The following ADCY10 variants were observed in gnomAD, a reference collection of about 807,000 sequenced individuals.
ADCY10 encodes adenylate cyclase type 10.
Under a neutral mutation model 183.3 loss-of-function variants are expected in ADCY10, and 156 were observed. That is an observed-to-expected ratio of 0.85 (90% CI 0.75 to 0.97). The LOEUF (loss-of-function observed/expected upper bound fraction) is 0.97. Ranked by LOEUF, ADCY10 falls within the 50% of genes least tolerant of loss-of-function variation. The probability of loss-of-function intolerance (pLI) is 0.00; values close to 1 mark genes in which losing one functional copy is unlikely to be tolerated. For synonymous variants in ADCY10, 645 were observed against 670.0 expected (o/e 0.96, Z 0.58); for missense variants, 1,745 against 1,934.3 (o/e 0.90, Z 1.84).
chr1:167,893,093 G>GA (rs1668711678), intron 8 of ADCY10, among the ~76,000 whole-genome samples: 1 of 152,162 alleles, frequency 6.6e-6, no homozygotes, highest in South Asian at 2.1e-4. Flanking sequence ...AAGATTAAGA[G>GA]AATAAAAAGA....
In ADCY10 at chr1:167,848,460, T is replaced by G; in HGVS notation, c.2338A>C (p.Asn780His). 6.2e-7 allele frequency: 1 copy of G among 1,613,638 alleles called. No homozygotes were observed. The highest frequency in any genetic ancestry group is 1.1e-5 in the South Asian group (1 of 91,068). The change falls in exon 19 of 33, where the codon AAC (asparagine) becomes CAC (histidine). Residue 780 changes from asparagine (N) to histidine (H), a missense_variant. Transcript: ENST00000367851. ...TTATCACTATGGAGAGTAACCATGT[T>G]TAACTTCTCTGTTAGCTTAATGGAA... ...KYSIKLTEKL[N>H]MVTLHSDKES...
chr1:167,853,830 C>CA (rs1224227856), intron 18 of ADCY10, among the ~76,000 whole-genome samples: 38 of 77,188 alleles, frequency 4.9e-4, no homozygotes, highest in Admixed American at 1.4e-3. Flanking sequence ...ACTATAGTTA[C>CA]TTTTTTTTTT....
intron 14 of ADCY10, among the ~76,000 whole-genome samples, chr1:167,863,196 G>A (rs1260088997): frequency 6.6e-6 from 1 of 152,168 alleles, no homozygotes; most frequent in Non-Finnish European, 1.5e-5. Context: ...CCCGAAACCA[G>A]GCCTGGGCCT....
chr1:167,836,441 C>A lies in ADCY10; in HGVS notation c.3177G>T (p.Gln1059His). The A allele has an allele frequency of 1.2e-6, 2 of 1,614,122 alleles. No individual in the cohort carries two copies. The highest frequency in any genetic ancestry group is 1.7e-6 in the Non-Finnish European group (2 of 1,179,954). The change falls in exon 23 of 33, where the codon CAG becomes CAT. Residue 1059 changes from glutamine to histidine, a missense_variant. Gln to His is a conservative substitution (Grantham distance 24). Coordinates refer to ENST00000367851, the MANE Select transcript of ADCY10 (RefSeq NM_018417.6). The part of the protein sequence containing the change: ...DEDIIPLESC[Q>H]CEEILEIVIL... ...TGACAATCTCTAGGATTTCTTCACA[C>A]TGGCAAGATTCCAGAGGGATAATGT...
rs191261114 is a variant in ADCY10 at position 167,899,450 on chromosome 1, C to T, written c.615G>A (p.Glu205=). The T allele has an allele frequency of 1.9e-6, 3 of 1,614,234 alleles. No individual in the cohort carries two copies. Among genetic ancestry groups the T allele is most frequent in the Admixed American group, 3.3e-5 (2 of 60,032 alleles). ...TAACTGCTCTCTGATCTGGAACACT[C>T]TCAATTTCAATCATGCTCCGGTCAC... ...QLCDRSMIEI[E]SVPDQRAVKV... is the part of the protein sequence containing the mutation. The change falls in exon 6 of 33, where the codon GAG becomes GAA. Residue 205 remains glutamate, a synonymous_variant. Coordinates refer to ENST00000367851, the MANE Select transcript of ADCY10 (RefSeq NM_018417.6).
At chr1:167,834,937 A>G (rs2101911683) in intron 23 of ADCY10, among the ~76,000 whole-genome samples, 1 of 152,360 alleles carries the variant, frequency 6.6e-6, no homozygotes, top group African/African-American at 2.4e-5. Flanking sequence ...CTACATCCCC[A>G]TCATCACCTC....
At chr1:167,857,486 C>T (rs981732471) in intron 16 of ADCY10, among the ~76,000 whole-genome samples, 6 of 152,140 alleles carry the variant, frequency 3.9e-5, no homozygotes, top group Admixed American at 2.0e-4. Context: ...AAGTTTTAAT[C>T]TTGGGATAGC....
chr1:167,872,480 A>T (rs753231690), intron 13 of ADCY10, among the ~76,000 whole-genome samples: 2 of 151,874 alleles, frequency 1.3e-5, no homozygotes, highest in African/African-American at 4.8e-5. Context: ...CTAAAATGAG[A>T]TTGTCTCCTT....
At chr1:167,893,821 C>T (rs1424304170) in intron 8 of ADCY10, 32 bp downstream of exon 8, 2 of 1,512,234 alleles carry the variant, frequency 1.3e-6, no homozygotes, top group Admixed American at 1.7e-5. Context: ...CCCTGACATC[C>T]CCAAAGCCAG....
At chr1:167,874,317 T>A (rs962713595) in intron 13 of ADCY10, among the ~76,000 whole-genome samples, 7 of 151,946 alleles carry the variant, frequency 4.6e-5, no homozygotes, top group African/African-American at 1.7e-4. Context: ...GGCAACAGAG[T>A]GAGACTCTGT....
rs755550861 is a variant in ADCY10, at chr1:167,902,018, G to C, written c.290C>G (p.Ala97Gly). 1.9e-6 allele frequency: 3 copies of C among 1,610,984 alleles called. No homozygotes were observed. Among genetic ancestry groups the C allele is most frequent in the Non-Finnish European group, 2.5e-6 (3 of 1,179,584 alleles). The change falls in exon 4 of 33, where the codon GCA (alanine) becomes GGA (glycine). Residue 97 changes from alanine (A) to glycine (G), a missense_variant and splice_region_variant. Physicochemically the swap from Ala to Gly is moderately conservative, Grantham distance 60. Transcript: ENST00000367851. Reference protein sequence around the residue: ...LIFGGDILKFAGDALLALWRV... With the variant: ...LIFGGDILKFGGDALLALWRV... The stretch of plus-strand genomic sequence containing the variant: ...TCTATCTTAGTAAGCCCCCATACCT[G>C]CAAATTTCAGGATGTCTCCTCCAAA...
Position 167,829,441 on chromosome 1 carries a change from C to T in ADCY10, c.3594-18G>A. ...TCTTCTTCCTATTGGATAAGGTAAA[C>T]ACAAATGGAACATGAAAGGTATCAT... On this transcript the variant is annotated intron_variant, in intron 25 of 32. Transcript: ENST00000367851. 6.2e-7 allele frequency: 1 copy of T among 1,613,924 alleles called. No individual in the cohort carries two copies. The highest frequency in any genetic ancestry group is 8.5e-7 in the Non-Finnish European group (1 of 1,179,910).
At chr1:167,866,334 C>G (rs1224791950) in intron 14 of ADCY10, among the ~76,000 whole-genome samples, 1 of 152,092 alleles carries the variant, frequency 6.6e-6, no homozygotes, top group Non-Finnish European at 1.5e-5. Flanking sequence ...AATACCAGAT[C>G]AATTTAAAGC....
intron 21 of ADCY10, among the ~76,000 whole-genome samples, chr1:167,843,574 A>G (rs1223899394): frequency 6.6e-6 from 1 of 152,004 alleles, no homozygotes; most frequent in Admixed American, 6.6e-5. Flanking sequence ...GTCTCATTCT[A>G]GCAGTCCACA....
At chr1:167,897,332 C>CAA (rs1198279246) in intron 6 of ADCY10, among the ~76,000 whole-genome samples, 96 of 118,490 alleles carry the variant, frequency 8.1e-4, no homozygotes, top group African/African-American at 2.2e-3. Context: ...ACCAAAAATA[C>CAA]AAAAAAAAAA....
At chr1:167,868,366 C>T (rs1344211341) in intron 14 of ADCY10, among the ~76,000 whole-genome samples, 1 of 152,124 alleles carries the variant, frequency 6.6e-6, no homozygotes, top group East Asian at 1.9e-4. Context: ...AATTATTAGA[C>T]AATATTGCAT....
intron 26 of ADCY10, among the ~76,000 whole-genome samples, chr1:167,825,774 G>C (rs6427109): frequency 0.37 from 56,773 of 151,950 alleles, 10,884 homozygotes; most frequent in Non-Finnish European, 0.42. Flanking sequence ...GGGTGACTGA[G>C]TGAGACCCTT....
chr1:167,827,322 C>T (rs1386036267), intron 26 of ADCY10, among the ~76,000 whole-genome samples: 1 of 147,888 alleles, frequency 6.8e-6, no homozygotes, highest in Non-Finnish European at 1.5e-5. Context: ...CGCCCGCCAC[C>T]ACGCCCGGCT....
At chr1:167,829,743 C>T (rs532609929) in intron 25 of ADCY10, among the ~76,000 whole-genome samples, 17 of 152,304 alleles carry the variant, frequency 1.1e-4, no homozygotes, top group Non-Finnish European at 2.2e-4. Flanking sequence ...ATTCTGATGA[C>T]AATCCTGTAA....
Sources: gnomAD v4.1 joint callset for allele counts (sites outside exome capture counted in the v4.1 genomes callset) on GRCh38, gnomAD v4.1.1 for gene constraint, MANE v1.5 for transcripts, NCBI Gene and HGNC (gene_info 2026-07-23, HGNC 2026-07-21) for gene names.